Variants in UNC5D observed in about 807,000 individuals in gnomAD.
UNC5D encodes netrin receptor UNC5D.
A neutral mutation model predicts 105.4 loss-of-function variants in UNC5D; 39 were observed. The observed-to-expected ratio is 0.37, with a 90% confidence interval of 0.29 to 0.48. The LOEUF (loss-of-function observed/expected upper bound fraction) is 0.48, where lower values mean the gene tolerates loss of function less well. Among genes scored for constraint, UNC5D ranks in the 20% least tolerant of loss-of-function variants. The probability of loss-of-function intolerance (pLI) is 0.98; values close to 1 mark genes in which losing one functional copy is unlikely to be tolerated. For missense variants in UNC5D, 991 were observed against 1,202.4 expected (o/e 0.82, Z 2.60); for synonymous variants, 452 against 450.4 (o/e 1.00, Z -0.04).
chr8:35,738,104 CGAAAAGAAAA>C (rs143487485), intron 11 of UNC5D, among the ~76,000 whole-genome samples: 1 of 151,874 alleles, frequency 6.6e-6, no homozygotes, highest in Middle Eastern at 3.4e-3. Flanking sequence ...GAAACTGTCT[CGAAAAGAAAA>C]GAAAAGAAAG....
At position 35,772,989 on chromosome 8, in the gene UNC5D, G is replaced by A. The variant is rs10094875; in HGVS notation, c.2479-1310G>A. Among the ~76,000 whole-genome samples, 1,284 of 152,008 alleles carry A rather than the reference G, an allele frequency of 8.4e-3. 17 individuals are homozygous for A. Among genetic ancestry groups the A allele is most frequent in the African/African-American group, 0.03 (1,224 of 41,454 alleles). On this transcript the variant is annotated intron_variant, in intron 15 of 16. Coordinates refer to ENST00000404895, the MANE Select transcript of UNC5D (RefSeq NM_080872.4). ...TGGCTGTTTGCTTTCCTCTAGACAA[G>A]GAGAAAAGGTACCTCCAGAAAAGAC...
intron 1 of UNC5D, among the ~76,000 whole-genome samples, chr8:35,243,527 C>A (rs772219481): frequency 6.6e-6 from 1 of 152,094 alleles, no homozygotes; most frequent in East Asian, 1.9e-4. Context: ...AAATAAGAGG[C>A]CTTTCTAACT....
chr8:35,539,988 T>C (rs1399421410), intron 1 of UNC5D, among the ~76,000 whole-genome samples: 1 of 152,234 alleles, frequency 6.6e-6, no homozygotes, highest in Non-Finnish European at 1.5e-5. Context: ...GAATGGTGTT[T>C]GATTGTTTGG....
intron 4 of UNC5D, among the ~76,000 whole-genome samples, chr8:35,625,838 A>G (rs901573933): frequency 1.8e-4 from 28 of 152,332 alleles, no homozygotes; most frequent in African/African-American, 6.5e-4. Flanking sequence ...TCAGTTCTCA[A>G]GTCAGAGTGT....
intron 1 of UNC5D, among the ~76,000 whole-genome samples, chr8:35,515,087 C>T (rs1813023030): frequency 6.6e-6 from 1 of 152,208 alleles, no homozygotes; most frequent in East Asian, 1.9e-4. Context: ...GCTTCAGTGA[C>T]ACAAACACAC....
At chr8:35,728,988 C>T (rs1829045018) in intron 10 of UNC5D, among the ~76,000 whole-genome samples, 1 of 152,146 alleles carries the variant, frequency 6.6e-6, no homozygotes, top group African/African-American at 2.4e-5. Flanking sequence ...CTTGCCACTC[C>T]CCATGTGCCT....
chr8:35,428,220 C>T (rs1415079489), intron 1 of UNC5D, among the ~76,000 whole-genome samples: 2 of 152,054 alleles, frequency 1.3e-5, no homozygotes, highest in African/African-American at 4.8e-5. Context: ...CTCTGTCACC[C>T]AGGCTGGACT....
intron 16 of UNC5D, among the ~76,000 whole-genome samples, chr8:35,787,566 A>C: frequency 6.6e-6 from 1 of 152,180 alleles, no homozygotes. Context: ...AAACATCTCT[A>C]CATGACAAGG....
At chr8:35,576,302 T>TA in intron 3 of UNC5D, among the ~76,000 whole-genome samples, 1 of 152,152 alleles carries the variant, frequency 6.6e-6, no homozygotes, top group South Asian at 2.1e-4. Context: ...AGTTGTTACA[T>TA]AAAAAGCAAA....
At chr8:35,582,241 T>G (rs1321786367) in intron 3 of UNC5D, among the ~76,000 whole-genome samples, 5 of 152,144 alleles carry the variant, frequency 3.3e-5, no homozygotes, top group Non-Finnish European at 5.9e-5. Flanking sequence ...AGTGATTTCT[T>G]TCTCAGATCC....
intron 1 of UNC5D, among the ~76,000 whole-genome samples, chr8:35,484,284 C>A: frequency 6.6e-6 from 1 of 152,312 alleles, no homozygotes; most frequent in African/African-American, 2.4e-5. Flanking sequence ...GCAGCCAAAG[C>A]CTAGAGTTGG....
At chr8:35,366,439 T>A (rs1802131053) in intron 1 of UNC5D, among the ~76,000 whole-genome samples, 1 of 152,116 alleles carries the variant, frequency 6.6e-6, no homozygotes, top group African/African-American at 2.4e-5. Flanking sequence ...AGGTTAGATG[T>A]AACTTCTCAG....
At chr8:35,623,594 C>T (rs1454254179) in intron 4 of UNC5D, among the ~76,000 whole-genome samples, 2 of 152,028 alleles carry the variant, frequency 1.3e-5, no homozygotes, top group Non-Finnish European at 2.9e-5. Context: ...GTTTCATGAG[C>T]CAGTAAAAAG....
chr8:35,726,578 ATT>A (rs1563710729), intron 10 of UNC5D, 49 bp downstream of exon 10: 2 of 1,581,350 alleles, frequency 1.3e-6, no homozygotes, highest in South Asian at 2.3e-5. Flanking sequence ...TAAATGTTTC[ATT>A]TTTACACAGT....
intron 4 of UNC5D, among the ~76,000 whole-genome samples, chr8:35,600,343 G>T (rs1276248291): frequency 1.3e-5 from 2 of 152,156 alleles, no homozygotes; most frequent in Admixed American, 6.5e-5. Flanking sequence ...GGTTGAAATG[G>T]TATTTCTAGT....
intron 11 of UNC5D, among the ~76,000 whole-genome samples, chr8:35,739,906 T>G (rs1249583433): frequency 6.6e-6 from 1 of 152,162 alleles, no homozygotes; most frequent in Non-Finnish European, 1.5e-5. Context: ...ACCTGGACAA[T>G]CAACCTTCTA....
At chr8:35,655,622 G>A (rs1823678135) in intron 4 of UNC5D, among the ~76,000 whole-genome samples, 2 of 152,184 alleles carry the variant, frequency 1.3e-5, no homozygotes, top group East Asian at 1.9e-4. Flanking sequence ...TCAGGAGACA[G>A]GACTTATGAA....
rs1818951078 is a variant in UNC5D, at chr8:35,588,616, G to A, written c.467-6938G>A. 4.6e-5 allele frequency among the ~76,000 whole-genome samples: 7 copies of A among 152,302 alleles called. No individual in the cohort carries two copies. The South Asian group carries it at 1.5e-3, about 32-fold the overall frequency. The stretch of plus-strand genomic sequence containing the variant: ...CACCCTGCTAGAGCATATGCTCTGG[G>A]AAGGCCAGGGCAGTCTGTGTCATGT... On this transcript the variant is annotated intron_variant, in intron 3 of 16. Transcript: ENST00000404895.
Position 35,697,125 on chromosome 8 carries a change from A to T in UNC5D, c.1085-8804A>T, listed in dbSNP as rs917350416. Among the ~76,000 whole-genome samples, 4 of 147,138 alleles carry T rather than the reference A, an allele frequency of 2.7e-5. No homozygotes were observed. The South Asian group carries it at 8.5e-4, about 31-fold the overall frequency. On this transcript the variant is annotated intron_variant, in intron 7 of 16. Coordinates refer to ENST00000404895, the MANE Select transcript of UNC5D (RefSeq NM_080872.4). ...AAACTTGAGATAGATAGATACACAT[A>T]CTTATATATATACATACACACACAC... is the stretch of plus-strand genomic sequence containing the variant.
Sources: allele counts gnomAD v4.1 joint callset (sites outside exome capture counted in the v4.1 genomes callset), GRCh38; gene constraint gnomAD v4.1.1; transcripts MANE v1.5; gene names NCBI Gene and HGNC (gene_info 2026-07-23, HGNC 2026-07-21).